FBN1: variants seen among roughly 807,000 people sequenced by gnomAD.
The protein encoded by FBN1 is fibrillin 1, also known as fibrillin-1.
A neutral mutation model predicts 365.1 loss-of-function variants in FBN1; 29 were observed. That is an observed-to-expected ratio of 0.08 (90% CI 0.06 to 0.11). The LOEUF (loss-of-function observed/expected upper bound fraction) is 0.11. Among genes scored for constraint, FBN1 ranks in the 10% least tolerant of loss-of-function variants. FBN1 has a pLI of 1.00. For synonymous variants in FBN1, 1,210 were observed against 1,270.5 expected, an observed-to-expected ratio of 0.95 and a Z score of 1.01; for missense variants, 2,476 against 3,703.2, an observed-to-expected ratio of 0.67 and a Z score of 8.60.
chr15:48,498,157 T>C (rs2043623336), intron 18 of FBN1, among the ~76,000 whole-genome samples: 1 of 149,346 alleles, frequency 6.7e-6, no homozygotes, highest in South Asian at 2.1e-4. Flanking sequence ...TGCCTGACTC[T>C]TCTATAAATT....
chr15:48,497,715 C>T (rs1287113649), intron 18 of FBN1, among the ~76,000 whole-genome samples: 1 of 152,112 alleles, frequency 6.6e-6, no homozygotes, highest in African/African-American at 2.4e-5. Flanking sequence ...CAGCAGATCC[C>T]AAGTCCCGAC....
chr15:48,641,189 A>T (rs1890190520), intron 2 of FBN1: 1 of 152,182 alleles, frequency 6.6e-6, no homozygotes. Context: ...ATTTCCTGTA[A>T]AAACAGAAAT....
rs186430229 is a variant in FBN1 at position 48,523,025 on chromosome 15, G to A, written c.989-2208C>T. Among the ~76,000 whole-genome samples the A allele has an allele frequency of 3.3e-4, 50 of 152,208 alleles. 1 individual carries two copies. In the East Asian group the frequency reaches 7.0e-3, roughly 21 times the overall value. ...CAGGTGGTACCTCCCCCGTCAAGAG[G>A]GCAGAGAAATTGAACTTCCTACATT... On this transcript the variant is annotated intron_variant, in intron 9 of 65. Transcript: ENST00000316623.
intron 4 of FBN1, among the ~76,000 whole-genome samples, chr15:48,608,440 A>T (rs1212070899): frequency 1.3e-5 from 2 of 152,210 alleles, no homozygotes; most frequent in Non-Finnish European, 2.9e-5. Flanking sequence ...TGTTCTGTGG[A>T]ATGGCACAGC....
chr15:48,561,372 T>C (rs1022100684), intron 6 of FBN1, among the ~76,000 whole-genome samples: 7 of 152,198 alleles, frequency 4.6e-5, no homozygotes, highest in Admixed American at 3.3e-4. Context: ...ACATTTATAT[T>C]ATTTAAAAAT....
At chr15:48,554,931 C>A (rs1030814540) in intron 6 of FBN1, among the ~76,000 whole-genome samples, 1 of 152,118 alleles carries the variant, frequency 6.6e-6, no homozygotes. Context: ...GATTGTAACT[C>A]TTTCTATTCT....
intron 6 of FBN1, among the ~76,000 whole-genome samples, chr15:48,550,894 T>C (rs1167857267): frequency 6.6e-6 from 1 of 152,142 alleles, no homozygotes; most frequent in African/African-American, 2.4e-5. Flanking sequence ...ACATATTTTG[T>C]CTCTTTAAAC....
At chr15:48,456,125 A>C (rs2043236152) in intron 44 of FBN1, among the ~76,000 whole-genome samples, 1 of 152,244 alleles carries the variant, frequency 6.6e-6, no homozygotes, top group Non-Finnish European at 1.5e-5. Flanking sequence ...GTAATTTGAA[A>C]ATGAAAAAAG....
At chr15:48,580,718 C>T (rs2044384966) in intron 6 of FBN1, among the ~76,000 whole-genome samples, 2 of 152,176 alleles carry the variant, frequency 1.3e-5, no homozygotes, top group Non-Finnish European at 2.9e-5. Flanking sequence ...GGGGAAAAAA[C>T]TGATAGTACA....
chr15:48,442,108 A>G (rs1470785549), intron 49 of FBN1, among the ~76,000 whole-genome samples: 4 of 152,224 alleles, frequency 2.6e-5, no homozygotes, highest in African/African-American at 9.6e-5. Context: ...TCTTACCCAG[A>G]CTGAGTTGCT....
rs189926106 is a variant in FBN1 at position 48,508,481 on chromosome 15, T to C, written c.1837+101A>G. On this transcript the variant is annotated intron_variant, in intron 15 of 65. Coordinates refer to ENST00000316623, the MANE Select transcript of FBN1 (RefSeq NM_000138.5). ...TTTCCCAAACCAAAATTCAAGGTACTTTAAGTGGGGAGAATCAGTAAAGAA... is the reference window on the plus strand; with the variant it reads ...TTTCCCAAACCAAAATTCAAGGTACCTTAAGTGGGGAGAATCAGTAAAGAA... 2.2e-5 allele frequency: 34 copies of C among 1,537,500 alleles called. No individual in the cohort carries two copies. In the East Asian group the frequency reaches 6.6e-4, roughly 30 times the overall value.
chr15:48,570,146 C>G (rs1314516555), intron 6 of FBN1, among the ~76,000 whole-genome samples: 1 of 152,170 alleles, frequency 6.6e-6, no homozygotes, highest in Admixed American at 6.5e-5. Flanking sequence ...GTTTCTTACA[C>G]TCACTGGATA....
In FBN1 at chr15:48,568,445, T is replaced by C. The variant is rs907176589; in HGVS notation, c.538+27838A>G. 3.9e-5 allele frequency among the ~76,000 whole-genome samples: 6 copies of C among 152,260 alleles called. No homozygotes were observed. The East Asian group carries it at 1.2e-3, about 29-fold the overall frequency. On this transcript the variant is annotated intron_variant, in intron 6 of 65. Transcript: ENST00000316623. ...TAACATTTCTTCACAAATTGACCTG[T>C]AGATTAAAGGTAATCTTTATCAAAA...
chr15:48,441,600 G>A, intron 50 of FBN1, 121 bp downstream of exon 50: 1 of 1,245,592 alleles, frequency 8.0e-7, no homozygotes, highest in South Asian at 1.2e-5. Context: ...AGACCTCTGG[G>A]TGAATGAAAA....
intron 6 of FBN1, among the ~76,000 whole-genome samples, chr15:48,539,001 T>C (rs2044035249): frequency 6.6e-6 from 1 of 152,152 alleles, no homozygotes; most frequent in Non-Finnish European, 1.5e-5. Context: ...TGCTATTTAC[T>C]AAGGAAAAAA....
At chr15:48,498,760 C>T (rs545905320) in intron 18 of FBN1, among the ~76,000 whole-genome samples, 1 of 152,222 alleles carries the variant, frequency 6.6e-6, no homozygotes, top group South Asian at 2.1e-4. Flanking sequence ...CACCTGACCC[C>T]CTCAGTGGCC....
chr15:48,451,054 T>C (rs2043197663), intron 45 of FBN1, among the ~76,000 whole-genome samples: 1 of 152,234 alleles, frequency 6.6e-6, no homozygotes, highest in Non-Finnish European at 1.5e-5. Context: ...TGATGCTCAC[T>C]CACAACACTT....
chr15:48,454,706 G>A (rs531984260), intron 44 of FBN1, among the ~76,000 whole-genome samples: 2 of 152,322 alleles, frequency 1.3e-5, no homozygotes, highest in East Asian at 3.9e-4. Flanking sequence ...GTTCCTACAA[G>A]GGGGTGGCAA....
chr15:48,500,510 A>G (rs1866149209), intron 17 of FBN1, among the ~76,000 whole-genome samples: 1 of 152,206 alleles, frequency 6.6e-6, no homozygotes, highest in Non-Finnish European at 1.5e-5. Context: ...TGGTGGCTGT[A>G]CAGAATTAAC....
Sources: allele counts gnomAD v4.1 joint callset (sites outside exome capture counted in the v4.1 genomes callset), GRCh38; gene constraint gnomAD v4.1.1; transcripts MANE v1.5; gene names NCBI Gene and HGNC (gene_info 2026-07-23, HGNC 2026-07-21).